Variants in UNC13C observed in about 807,000 individuals in gnomAD.
The protein encoded by UNC13C is unc-13 homolog C, also known as protein unc-13 homolog C.
UNC13C carries 174 observed loss-of-function variants against 245.4 expected under a neutral mutation model. That is an observed-to-expected ratio of 0.71 (90% confidence interval 0.63 to 0.80). The LOEUF (loss-of-function observed/expected upper bound fraction) is 0.80. Ranked by LOEUF, UNC13C falls within the 30% of genes least tolerant of loss-of-function variation. UNC13C has a pLI of 0.00. For missense variants in UNC13C, 2,829 were observed against 2,602.9 expected (o/e 1.09, Z -1.89); for synonymous variants, 992 against 895.1 (o/e 1.11, Z -1.93).
At chr15:54,483,928 TA>T (rs1186670035) in intron 19 of UNC13C, among the ~76,000 whole-genome samples, 1 of 148,322 alleles carries the variant, frequency 6.7e-6, no homozygotes, top group African/African-American at 2.5e-5. Context: ...TCACGGAACA[TA>T]CACAAACACA....
the UNC13C span, chr15:53,912,880 G>T: frequency 6.6e-6 from 1 of 152,250 alleles, no homozygotes; most frequent in African/African-American, 2.4e-5. Context: ...GATGACAGTG[G>T]ATTATCAGGA....
At chr15:54,367,201 T>C (rs2140876330) in intron 17 of UNC13C, among the ~76,000 whole-genome samples, 1 of 152,288 alleles carries the variant, frequency 6.6e-6, no homozygotes, top group African/African-American at 2.4e-5. Context: ...ACACACTTTA[T>C]ATTCCAAACC....
intron 2 of UNC13C, among the ~76,000 whole-genome samples, chr15:54,094,846 G>A (rs1418743301): frequency 6.6e-6 from 1 of 152,202 alleles, no homozygotes; most frequent in East Asian, 1.9e-4. Context: ...GGGGAAACCT[G>A]TCATCACAGG....
At chr15:53,974,393 C>T (rs1435935704), upstream of UNC13C, among the ~76,000 whole-genome samples, 2 of 152,194 alleles carry the variant, frequency 1.3e-5, no homozygotes, top group Admixed American at 1.3e-4. Flanking sequence ...CTATTATTCA[C>T]TCACTCATCA....
At chr15:54,331,346 A>G (rs2038430508) in intron 14 of UNC13C, among the ~76,000 whole-genome samples, 2 of 152,060 alleles carry the variant, frequency 1.3e-5, no homozygotes, top group African/African-American at 4.8e-5. Flanking sequence ...CACACACTTA[A>G]TAAGAGAAAA....
At chr15:53,869,355 A>G in the UNC13C span, among the ~76,000 whole-genome samples, 1 of 152,132 alleles carries the variant, frequency 6.6e-6, no homozygotes, top group Non-Finnish European at 1.5e-5. Context: ...CATTCATGAC[A>G]TTGTTTTCTT....
At chr15:53,944,191 T>C in the UNC13C span, among the ~76,000 whole-genome samples, 1 of 152,146 alleles carries the variant, frequency 6.6e-6, no homozygotes, top group Non-Finnish European at 1.5e-5. Context: ...TGATGTGTCT[T>C]AAAACTTCAA....
In UNC13C at chr15:54,237,651, G is replaced by C. The variant is rs367966700; in HGVS notation, c.3189G>C (p.Leu1063=). The part of the protein sequence containing the change: ...TLAARKSGLS[L]AMVIRTSLNN... ...CTGCCCGGAAATCTGGACTCTCCCT[G>C]GCTATGGTGATTAGGACATCCCTAA... The change falls in exon 7 of 33, where the codon CTG becomes CTC. Residue 1063 remains leucine (L), a synonymous_variant. Transcript: ENST00000260323. 1.2e-6 allele frequency: 2 copies of C among 1,612,486 alleles called. No homozygotes were observed. The highest frequency in any genetic ancestry group is 1.7e-6 in the Non-Finnish European group (2 of 1,179,402).
chr15:54,161,815 A>C (rs112171554), intron 4 of UNC13C, among the ~76,000 whole-genome samples: 49 of 152,158 alleles, frequency 3.2e-4, no homozygotes, highest in African/African-American at 1.1e-3. Flanking sequence ...TTAGCCAGGC[A>C]TGCACATCTG....
intron 17 of UNC13C, among the ~76,000 whole-genome samples, chr15:54,346,249 G>A (rs548439721): frequency 3.0e-4 from 45 of 152,148 alleles, no homozygotes; most frequent in Middle Eastern, 3.4e-3. Context: ...AAAGAAAAAG[G>A]CAGTGCCTTA....
At chr15:54,274,702 C>T (rs1280686992) in intron 10 of UNC13C, among the ~76,000 whole-genome samples, 6 of 113,614 alleles carry the variant, frequency 5.3e-5, no homozygotes, top group South Asian at 2.9e-4. Flanking sequence ...GACGGAGTCT[C>T]GCTCTGTCGC....
chr15:53,975,245 C>T (rs1232341038), upstream of UNC13C, among the ~76,000 whole-genome samples: 2 of 152,226 alleles, frequency 1.3e-5, no homozygotes, highest in African/African-American at 4.8e-5. Context: ...ATGCTAGGCA[C>T]ATCTTTCCAA....
intron 4 of UNC13C, among the ~76,000 whole-genome samples, chr15:54,175,253 C>T (rs2033566929): frequency 6.6e-6 from 1 of 152,092 alleles, no homozygotes; most frequent in Non-Finnish European, 1.5e-5. Flanking sequence ...ATATTATTTT[C>T]TTAATACCCA....
intron 2 of UNC13C, among the ~76,000 whole-genome samples, chr15:54,086,092 T>G (rs1256501223): frequency 6.6e-6 from 1 of 152,180 alleles, no homozygotes; most frequent in Non-Finnish European, 1.5e-5. Context: ...AATCCTCTCT[T>G]TTAGCTTTTT....
intron 2 of UNC13C, among the ~76,000 whole-genome samples, chr15:54,027,731 G>T (rs982591094): frequency 2.0e-5 from 3 of 151,398 alleles, no homozygotes; most frequent in African/African-American, 7.3e-5. Flanking sequence ...TTAAGACAGG[G>T]TTGTCCTCCT....
At chr15:54,597,566 C>T (rs1020048952) in intron 30 of UNC13C, among the ~76,000 whole-genome samples, 8 of 151,934 alleles carry the variant, frequency 5.3e-5, no homozygotes, top group African/African-American at 4.8e-5. Context: ...CCTGAGACAC[C>T]GCAAAAGGGG....
chr15:54,295,526 C>T (rs142478829), intron 11 of UNC13C, among the ~76,000 whole-genome samples: 1 of 152,146 alleles, frequency 6.6e-6, no homozygotes, highest in East Asian at 1.9e-4. Context: ...TGCCATGTGC[C>T]TGTAGTCCCA....
At chr15:53,939,473 C>A in the UNC13C span, among the ~76,000 whole-genome samples, 1 of 152,128 alleles carries the variant, frequency 6.6e-6, no homozygotes, top group Non-Finnish European at 1.5e-5. Flanking sequence ...GGCACTCCTC[C>A]CTAACTCTTT....
chr15:54,383,527 T>C (rs2140903160), intron 17 of UNC13C, among the ~76,000 whole-genome samples: 1 of 152,052 alleles, frequency 6.6e-6, no homozygotes, highest in African/African-American at 2.4e-5. Context: ...CTCAAAATAA[T>C]AAATACCATA....
Sources: gnomAD v4.1 joint callset for allele counts (sites outside exome capture counted in the v4.1 genomes callset) on GRCh38, gnomAD v4.1.1 for gene constraint, MANE v1.5 for transcripts, NCBI Gene and HGNC (gene_info 2026-07-23, HGNC 2026-07-21) for gene names.